CFAP46: variants seen among roughly 807,000 people sequenced by gnomAD.
CFAP46 encodes the protein cilia- and flagella-associated protein 46.
In CFAP46, 245 loss-of-function variants were observed where a neutral mutation model predicts 325.7. That is an observed-to-expected ratio of 0.75 (90% CI 0.68 to 0.84). CFAP46 has a LOEUF of 0.84. Ranked by LOEUF, CFAP46 falls within the 40% of genes least tolerant of loss-of-function variation. The probability of loss-of-function intolerance (pLI) is 0.00; values close to 1 mark genes in which losing one functional copy is unlikely to be tolerated. For synonymous variants in CFAP46, 1,523 were observed against 1,495.9 expected, an observed-to-expected ratio of 1.02 and a Z score of -0.42; for missense variants, 3,346 against 3,543.0, an observed-to-expected ratio of 0.94 and a Z score of 1.41.
rs2134960000 is a variant in CFAP46, at chr10:132,827,899, C to T, written c.7117+5459G>A. 6.6e-6 allele frequency among the ~76,000 whole-genome samples: 1 copy of T among 152,250 alleles called. No individual in the cohort carries two copies. The highest frequency in any genetic ancestry group is 2.1e-4 in the South Asian group (1 of 4,822). ...TGCACTCCCTTGATCCAGCCTCTTT[C>T]CCTCAGCGTAATCCTTCTGAGTGAG... On this transcript the variant is annotated intron_variant, in intron 50 of 57. Coordinates refer to ENST00000368586, the MANE Select transcript of CFAP46 (RefSeq NM_001200049.3). This position sits in a 1 kb window ranked among gnomAD's most constrained non-coding sequence, Gnocchi z 5.7.
intron 35 of CFAP46, among the ~76,000 whole-genome samples, chr10:132,861,353 G>C (rs984152388): frequency 2.0e-5 from 3 of 152,234 alleles, no homozygotes; most frequent in Non-Finnish European, 4.4e-5. Context: ...GGCGTTCAGG[G>C]AGGCACAGCC....
chr10:132,863,956 C>T (rs1290808153), intron 35 of CFAP46, among the ~76,000 whole-genome samples: 2 of 148,234 alleles, frequency 1.3e-5, no homozygotes, highest in East Asian at 2.1e-4. Context: ...GACCTGCACA[C>T]ACCTGTCCCT....
At chr10:132,823,261 G>T (rs1332175068) in intron 50 of CFAP46, among the ~76,000 whole-genome samples, 1 of 133,774 alleles carries the variant, frequency 7.5e-6, no homozygotes, top group Non-Finnish European at 1.6e-5. Context: ...GATGTGTGCT[G>T]TGTGAGTGCT....
At chr10:132,866,922 C>T (rs1017464573) in intron 34 of CFAP46, among the ~76,000 whole-genome samples, 3 of 152,228 alleles carry the variant, frequency 2.0e-5, no homozygotes, top group Non-Finnish European at 1.5e-5. Context: ...TGACCGGGAC[C>T]TCCAGGCGGA....
chr10:132,820,864 CTG>C (rs200153580), intron 50 of CFAP46, among the ~76,000 whole-genome samples: 3 of 110,498 alleles, frequency 2.7e-5, no homozygotes, highest in African/African-American at 1.1e-4. Context: ...CTGATGTGTG[CTG>C]TGTGTGCTGA....
chr10:132,814,772 G>C, intron 51 of CFAP46, 26 bp from the exon 52 acceptor site: 5 of 1,613,638 alleles, frequency 3.1e-6, no homozygotes, highest in Non-Finnish European at 4.2e-6. Flanking sequence ...AGGGTCAGCA[G>C]GTGCAGGGGC....
At chr10:132,811,813 A>G (rs1295337181) in intron 55 of CFAP46, among the ~76,000 whole-genome samples, 1 of 152,234 alleles carries the variant, frequency 6.6e-6, no homozygotes, top group Non-Finnish European at 1.5e-5. Flanking sequence ...CTTGCAGAGC[A>G]GAGTGGGGGT....
At chr10:132,920,824 G>T (rs955867712) in intron 13 of CFAP46, among the ~76,000 whole-genome samples, 8 of 152,218 alleles carry the variant, frequency 5.3e-5, no homozygotes, top group Non-Finnish European at 1.2e-4. Flanking sequence ...CCTGCTGGGT[G>T]TAGGTGCTGT....
At chr10:132,822,573 GTGTGTGCTGTGTGCTGTGTGAGTGCTGA>G (rs1847887699) in intron 50 of CFAP46, among the ~76,000 whole-genome samples, 7 of 134,148 alleles carry the variant, frequency 5.2e-5, no homozygotes, top group Non-Finnish European at 1.1e-4. Flanking sequence ...TGTGTGCTGT[GTGTGTGCTGTGTGCTGTGTGAGTGCTGA>G]TGTGTGCTGT....
rs1253825740 is a variant in CFAP46 at position 132,860,486 on chromosome 10, T to G, written c.5129A>C (p.Lys1710Thr). ...HIFQKLINAF[K>T]ILKKERPNRL... is the part of the protein sequence containing the mutation. ...GTTTGGTCTTTCTTTCTTGAGGATC[T>G]TGAAGGCATTGATGAGCTTCTGAAA... The change falls in exon 37 of 58, where the codon AAG (lysine) becomes ACG (threonine). Residue 1710 changes from lysine to threonine, a missense_variant. Coordinates refer to ENST00000368586, the MANE Select transcript of CFAP46 (RefSeq NM_001200049.3). The G allele has an allele frequency of 6.4e-7, 1 of 1,551,076 alleles. No individual in the cohort carries two copies. Among genetic ancestry groups the G allele is most frequent in the African/African-American group, 1.4e-5 (1 of 73,050 alleles).
intron 22 of CFAP46, among the ~76,000 whole-genome samples, chr10:132,902,676 T>C (rs1388598923): frequency 6.6e-6 from 1 of 152,260 alleles, no homozygotes; most frequent in Non-Finnish European, 1.5e-5. Flanking sequence ...CCACATTTTC[T>C]TGCTTTTGCA....
At chr10:132,887,939 T>TC in intron 25 of CFAP46, among the ~76,000 whole-genome samples, 1 of 51,498 alleles carries the variant, frequency 1.9e-5, no homozygotes. Flanking sequence ...TCTCTCCTCT[T>TC]TCACCTCTCT....
intron 56 of CFAP46, 179 bp downstream of exon 56, chr10:132,810,771 G>A (rs564168105): frequency 1.3e-5 from 10 of 741,820 alleles, no homozygotes; most frequent in Middle Eastern, 3.2e-4. Context: ...CGGCTGAGCC[G>A]CCCCCCTCCC....
In CFAP46 at chr10:132,884,118, C is replaced by T. The variant is rs1421004680; in HGVS notation, c.3627+985G>A. ...GGGTCCTGCCTTCCCCAGCCGCCCG[C>T]AGCCTCCCCTCCTCAGGCCCTTCCT... On this transcript the variant is annotated intron_variant, in intron 27 of 57. Transcript: ENST00000368586. This position sits in a 1 kb window ranked among gnomAD's most constrained non-coding sequence, Gnocchi z 5.4. Among the ~76,000 whole-genome samples, 1 of 152,228 alleles carries T rather than the reference C, an allele frequency of 6.6e-6. No individual in the cohort carries two copies. Among genetic ancestry groups the T allele is most frequent in the Non-Finnish European group, 1.5e-5 (1 of 68,030 alleles).
chr10:132,929,549 G>T, intron 9 of CFAP46, 156 bp downstream of exon 9: 1 of 807,278 alleles, frequency 1.2e-6, no homozygotes, highest in Non-Finnish European at 2.3e-6. Context: ...CTGCAACTGT[G>T]CAAAACACAG....
At chr10:132,819,785 C>T (rs1291069589) in intron 50 of CFAP46, among the ~76,000 whole-genome samples, 1 of 152,186 alleles carries the variant, frequency 6.6e-6, no homozygotes, top group Non-Finnish European at 1.5e-5. Flanking sequence ...AACGATAAAA[C>T]TACTAGAAGA....
intron 24 of CFAP46, 81 bp from the exon 25 acceptor site, chr10:132,892,498 T>C: frequency 7.7e-7 from 1 of 1,296,884 alleles, no homozygotes; most frequent in Non-Finnish European, 1.1e-6. Flanking sequence ...ACTCCCCCTC[T>C]GAGCTCTGTG....
chr10:132,912,843 G>A, intron 18 of CFAP46, 23 bp from the exon 19 acceptor site: 1 of 1,545,478 alleles, frequency 6.5e-7, no homozygotes, highest in Non-Finnish European at 8.7e-7. Context: ...CTTGTCAGAG[G>A]GAACCTTGGC....
At chr10:132,841,936 G>T (rs1434220540) in intron 44 of CFAP46, among the ~76,000 whole-genome samples, 6 of 152,198 alleles carry the variant, frequency 3.9e-5, no homozygotes, top group Non-Finnish European at 2.9e-5. Context: ...TCTCTGAAAT[G>T]ACTTCTGGGT....
Sources: allele counts gnomAD v4.1 joint callset (sites outside exome capture counted in the v4.1 genomes callset), GRCh38; gene constraint gnomAD v4.1.1; non-coding constraint Gnocchi (gnomAD v3.1); transcripts MANE v1.5; gene names NCBI Gene and HGNC (gene_info 2026-07-23, HGNC 2026-07-21).